RBFOX1: variants seen among roughly 807,000 people sequenced by gnomAD.
RBFOX1 encodes RNA binding protein fox-1 homolog 1.
A neutral mutation model predicts 57.7 loss-of-function variants in RBFOX1; 8 were observed. That is an observed-to-expected ratio of 0.14 (90% CI 0.08 to 0.25). The LOEUF (loss-of-function observed/expected upper bound fraction) is 0.25. Ranked by LOEUF, RBFOX1 falls within the 10% of genes least tolerant of loss-of-function variation. RBFOX1 has a pLI of 1.00. For synonymous variants in RBFOX1, 326 were observed against 222.4 expected (o/e 1.47, Z -4.15); for missense variants, 611 against 548.5 (o/e 1.11, Z -1.14).
rs536857654 is a variant in RBFOX1 at position 7,170,502 on chromosome 16, C to T, written c.27+118404C>T. The stretch of plus-strand genomic sequence containing the variant: ...TGTTGCCCATATTGGTCTCAAATTC[C>T]TCAGCTCAAGTATGAGTAGATGGGA... On this transcript the variant is annotated intron_variant, in intron 4 of 15. Transcript: ENST00000550418. 1.1e-4 allele frequency among the ~76,000 whole-genome samples: 16 copies of T among 152,202 alleles called. 1 individual carries two copies. Among genetic ancestry groups the T allele is most frequent in the Middle Eastern group, 6.8e-3 (2 of 294 alleles).
intron 3 of RBFOX1, among the ~76,000 whole-genome samples, chr16:6,888,647 T>G (rs1024475796): frequency 3.3e-5 from 5 of 152,144 alleles, no homozygotes; most frequent in African/African-American, 1.2e-4. Context: ...AGGTCAGTAT[T>G]TATACTATTT....
intron 3 of RBFOX1, among the ~76,000 whole-genome samples, chr16:6,880,196 G>A (rs961345961): frequency 7.2e-6 from 1 of 138,858 alleles, no homozygotes; most frequent in East Asian, 2.1e-4. Context: ...ACTCCTTTAA[G>A]GTATAAAAGA....
intron 4 of RBFOX1, among the ~76,000 whole-genome samples, chr16:5,923,716 T>C (rs1255735914): frequency 1.3e-5 from 2 of 151,904 alleles, no homozygotes. Context: ...AATTTTTGTG[T>C]TTTTAGTGGA....
intron 1 of RBFOX1, among the ~76,000 whole-genome samples, chr16:5,465,173 G>A (rs2068914874): frequency 6.6e-6 from 1 of 152,116 alleles, no homozygotes; most frequent in African/African-American, 2.4e-5. Flanking sequence ...GTCCAAGATC[G>A]AGGTGTCAGC....
intron 3 of RBFOX1, among the ~76,000 whole-genome samples, chr16:7,037,462 A>T (rs911430609): frequency 6.6e-6 from 1 of 151,566 alleles, no homozygotes; most frequent in Non-Finnish European, 1.5e-5. Context: ...TGGTTCATAA[A>T]CCTCTGACAA....
At chr16:7,504,786 T>TAG (rs1567555273) in intron 4 of RBFOX1, among the ~76,000 whole-genome samples, 1 of 19,704 alleles carries the variant, frequency 5.1e-5, no homozygotes, top group Non-Finnish European at 1.5e-4. Flanking sequence ...TATATATATA[T>TAG]TTATATATAT....
At chr16:6,477,169 G>T (rs1187165431) in intron 2 of RBFOX1, among the ~76,000 whole-genome samples, 1 of 152,170 alleles carries the variant, frequency 6.6e-6, no homozygotes, top group Admixed American at 6.5e-5. Context: ...TCCTGTTAAT[G>T]TTGCTATTTT....
At chr16:6,562,084 C>A (rs1024108966) in intron 2 of RBFOX1, among the ~76,000 whole-genome samples, 3 of 152,154 alleles carry the variant, frequency 2.0e-5, no homozygotes, top group Admixed American at 6.5e-5. Context: ...TGATGTTCAG[C>A]TGCATTTCTA....
intron 3 of RBFOX1, among the ~76,000 whole-genome samples, chr16:5,702,440 G>A (rs78286283): frequency 6.6e-6 from 1 of 152,218 alleles, no homozygotes; most frequent in Non-Finnish European, 1.5e-5. Flanking sequence ...TGAGATTTGA[G>A]TGGGGGCACA....
chr16:6,128,154 T>C (rs774429229), intron 1 of RBFOX1, among the ~76,000 whole-genome samples: 1 of 152,184 alleles, frequency 6.6e-6, no homozygotes, highest in African/African-American at 2.4e-5. Context: ...ATGTAAAATA[T>C]CTTGACAATT....
intron 2 of RBFOX1, among the ~76,000 whole-genome samples, chr16:6,622,289 T>C (rs1310386945): frequency 2.0e-5 from 3 of 152,210 alleles, no homozygotes; most frequent in Non-Finnish European, 4.4e-5. Context: ...TCCTATAAGA[T>C]TATAATGGAA....
chr16:5,291,370 C>G (rs960868080), intron 1 of RBFOX1, among the ~76,000 whole-genome samples: 24 of 146,892 alleles, frequency 1.6e-4, no homozygotes, highest in African/African-American at 4.8e-4. Flanking sequence ...TCACGCCATT[C>G]TCCTGCCTCA....
chr16:7,516,549 C>G (rs1268254304), intron 4 of RBFOX1, among the ~76,000 whole-genome samples: 2 of 152,178 alleles, frequency 1.3e-5, no homozygotes, highest in African/African-American at 2.4e-5. Flanking sequence ...AGGTTAACTG[C>G]TCATGGATAG....
chr16:6,640,562 C>G (rs990018551), intron 2 of RBFOX1, among the ~76,000 whole-genome samples: 1 of 152,174 alleles, frequency 6.6e-6, no homozygotes, highest in African/African-American at 2.4e-5. Flanking sequence ...GAGCTGTGAT[C>G]ATGCCACTGC....
intron 3 of RBFOX1, among the ~76,000 whole-genome samples, chr16:5,792,494 A>ACAGTATG (rs2054734630): frequency 6.6e-6 from 1 of 152,230 alleles, no homozygotes; most frequent in African/African-American, 2.4e-5. Flanking sequence ...TCTATGTAAT[A>ACAGTATG]TATACTGTAT....
At chr16:6,168,390 C>T (rs1288706062) in intron 1 of RBFOX1, among the ~76,000 whole-genome samples, 1 of 152,100 alleles carries the variant, frequency 6.6e-6, no homozygotes, top group Non-Finnish European at 1.5e-5. Flanking sequence ...GAGGTCATGT[C>T]TTCCTTCTAC....
At chr16:6,672,371 G>A (rs1029265353) in intron 3 of RBFOX1, among the ~76,000 whole-genome samples, 1 of 150,948 alleles carries the variant, frequency 6.6e-6, no homozygotes, top group African/African-American at 2.4e-5. Context: ...AGAGAAGAGG[G>A]AGAAAGAGAG....
intron 3 of RBFOX1, among the ~76,000 whole-genome samples, chr16:5,659,725 T>A (rs2049583869): frequency 6.6e-6 from 1 of 152,216 alleles, no homozygotes; most frequent in Non-Finnish European, 1.5e-5. Context: ...GAACTCTAAC[T>A]GATAAGTTAA....
At chr16:6,666,758 G>A (rs185375519) in intron 3 of RBFOX1, among the ~76,000 whole-genome samples, 1 of 152,068 alleles carries the variant, frequency 6.6e-6, no homozygotes, top group African/African-American at 2.4e-5. Context: ...GAGAGTTATT[G>A]CAACAAAACC....
Sources: allele counts gnomAD v4.1 joint callset (sites outside exome capture counted in the v4.1 genomes callset), GRCh38; gene constraint gnomAD v4.1.1; transcripts MANE v1.5; gene names NCBI Gene and HGNC (gene_info 2026-07-23, HGNC 2026-07-21).